The following CDC20B variants were observed in gnomAD, a reference collection of about 807,000 sequenced individuals.
The protein encoded by CDC20B is cell division cycle 20B, also known as cell division cycle protein 20 homolog B.
Under a neutral mutation model 64.1 loss-of-function variants are expected in CDC20B, and 58 were observed. The ratio of observed to expected loss-of-function variants is 0.90; its 90% confidence interval spans 0.73 to 1.13. CDC20B has a LOEUF of 1.13. Among genes scored for constraint, CDC20B ranks in the 50% most tolerant of loss-of-function variants. The pLI is 0.00. For missense variants in CDC20B, 597 were observed against 633.0 expected (o/e 0.94, Z 0.61); for synonymous variants, 243 against 230.6 (o/e 1.05, Z -0.49).
chr5:55,152,857 A>C (rs1743706332), intron 2 of CDC20B, among the ~76,000 whole-genome samples: 1 of 152,182 alleles, frequency 6.6e-6, no homozygotes, highest in Admixed American at 6.5e-5. Flanking sequence ...CTTCCCCTAG[A>C]GGCAGTTAGT....
chr5:55,115,158 C>G (rs1348504376), intron 11 of CDC20B, among the ~76,000 whole-genome samples: 1 of 152,182 alleles, frequency 6.6e-6, no homozygotes, highest in Admixed American at 6.5e-5. Flanking sequence ...TCCCACAGAG[C>G]ATGCATGAGC....
rs70989702 is a variant in CDC20B at position 55,172,749 on chromosome 5, C to CTTT, written c.64-102_64-100dup. ...TAGATCTTGTGCTTGTCAGATTACA[C>CTTT]TTTTTTTTTTTTTTTTTTTTTTTTT... is the stretch of plus-strand genomic sequence containing the variant. On this transcript the variant is annotated intron_variant, in intron 1 of 11. Transcript: ENST00000381375. 875 of 536,806 alleles carry CTTT rather than the reference C, an allele frequency of 1.6e-3. 6 individuals are homozygous for CTTT. The highest frequency in any genetic ancestry group is 4.8e-3 in the South Asian group (199 of 41,780). The allele number at this position is 536,806 out of a possible 1,614,324, so 33.3% of individuals were successfully genotyped here.
intron 2 of CDC20B, chr5:55,164,209 G>T (rs760359578): frequency 1.4e-5 from 21 of 1,536,948 alleles, no homozygotes; most frequent in Non-Finnish European, 1.8e-5. Context: ...AAAAGAAAGA[G>T]GATCTATGAG....
intron 6 of CDC20B, among the ~76,000 whole-genome samples, chr5:55,130,720 A>T (rs1320764268): frequency 6.6e-6 from 1 of 152,236 alleles, no homozygotes; most frequent in East Asian, 1.9e-4. Flanking sequence ...TGAAATTGGT[A>T]AATATTTGGG....
chr5:55,122,949 A>G (rs1486095761), intron 9 of CDC20B, among the ~76,000 whole-genome samples: 1 of 152,226 alleles, frequency 6.6e-6, no homozygotes, highest in Non-Finnish European at 1.5e-5. Flanking sequence ...AAACCATAAA[A>G]GATAATGAAA....
chr5:55,157,943 C>A (rs578115442), intron 2 of CDC20B, among the ~76,000 whole-genome samples: 3 of 152,128 alleles, frequency 2.0e-5, no homozygotes, highest in Non-Finnish European at 2.9e-5. Context: ...TTTTAAAATG[C>A]ATGTTCCTAA....
chr5:55,127,374 T>C, intron 7 of CDC20B, 23 bp from the exon 8 acceptor site: 1 of 1,591,862 alleles, frequency 6.3e-7, no homozygotes, highest in Non-Finnish European at 8.6e-7. Flanking sequence ...ACAAGGAGAG[T>C]TATGTAGCAT....
intron 5 of CDC20B, among the ~76,000 whole-genome samples, chr5:55,134,260 G>C (rs1012646790): frequency 6.6e-6 from 1 of 152,096 alleles, no homozygotes; most frequent in African/African-American, 2.4e-5. Flanking sequence ...GACTTGTGGT[G>C]TCTATGACCA....
intron 8 of CDC20B, 35 bp from the exon 9 acceptor site, chr5:55,125,063 T>A: frequency 1.9e-6 from 3 of 1,544,732 alleles, no homozygotes; most frequent in Non-Finnish European, 2.7e-6. Context: ...TTAAGCCCTG[T>A]TGCTACATAA....
intron 2 of CDC20B, chr5:55,161,214 T>G (rs1391202668): frequency 6.2e-7 from 1 of 1,614,174 alleles, no homozygotes; most frequent in African/African-American, 1.3e-5. Flanking sequence ...AAGATTAAGA[T>G]TCTAGGATCT....
At chr5:55,126,780 C>G (rs914127885) in intron 8 of CDC20B, among the ~76,000 whole-genome samples, 1 of 152,148 alleles carries the variant, frequency 6.6e-6, no homozygotes, top group Non-Finnish European at 1.5e-5. Context: ...TTGAGGAGCT[C>G]TCCAGGTGAT....
chr5:55,162,090 C>CAA (rs34286995), intron 2 of CDC20B, among the ~76,000 whole-genome samples: 15 of 90,674 alleles, frequency 1.7e-4, no homozygotes, highest in East Asian at 3.1e-4. Flanking sequence ...CCATATTAGT[C>CAA]AAAAAAAAAA....
At chr5:55,147,511 AT>A (rs1234071877) in intron 2 of CDC20B, among the ~76,000 whole-genome samples, 1 of 147,946 alleles carries the variant, frequency 6.8e-6, no homozygotes, top group Admixed American at 6.8e-5. Flanking sequence ...ATATATAAAA[AT>A]GTTACGTATT....
chr5:55,150,938 G>A (rs1300554086), intron 2 of CDC20B, among the ~76,000 whole-genome samples: 1 of 152,076 alleles, frequency 6.6e-6, no homozygotes, highest in Non-Finnish European at 1.5e-5. Flanking sequence ...GAGAGACGGG[G>A]TTTCACCATG....
chr5:55,114,277 G>C lies in CDC20B; in HGVS notation c.1501C>G (p.Gln501Glu), dbSNP rs767127067. ...RVLHLSLSPD[Q>E]TRVFSAAADG... ...GCTGCAGCAGAAAACACCCGGGTCT[G>C]GTCTGGACTCAAAGACAGGTGCAGC... The change falls in exon 12 of 12, where the codon CAG becomes GAG. Residue 501 changes from glutamine (Q) to glutamate (E), a missense_variant. By Grantham distance (29) the Gln-to-Glu change is conservative. Around this residue, in one of 3 missense-constraint regions of CDC20B, gnomAD observed 353 missense variants for 397.0 expected, o/e 0.89. Transcript: ENST00000381375. The surrounding 1 kb of genome is among the most constrained non-coding windows in gnomAD (Gnocchi z 4.1). 1.2e-6 allele frequency: 2 copies of C among 1,614,008 alleles called. No individual in the cohort carries two copies. The highest frequency in any genetic ancestry group is 1.3e-5 in the African/African-American group (1 of 75,032).
At position 55,146,868 on chromosome 5, in the gene CDC20B, C is replaced by T; in HGVS notation, c.127-12G>A. On this transcript the variant is annotated splice_polypyrimidine_tract_variant and intron_variant, in intron 2 of 11. Transcript: ENST00000381375. ...ACTGAATCGAGTACCTGTTTAACAA[C>T]AAAAACAGCTGTAAGTCCACTGGCC... 1 of 1,605,612 alleles carries T rather than the reference C, an allele frequency of 6.2e-7. No individual in the cohort carries two copies. Among genetic ancestry groups the T allele is most frequent in the Non-Finnish European group, 8.5e-7 (1 of 1,172,626 alleles).
intron 2 of CDC20B, chr5:55,160,550 C>G: frequency 1.7e-6 from 1 of 590,304 alleles, no homozygotes. Context: ...TATTACAGTT[C>G]TGATAGTTTG....
Position 55,160,277 on chromosome 5 carries a change from A to C in CDC20B, c.126+12311T>G. On this transcript the variant is annotated intron_variant, in intron 2 of 11. Coordinates refer to ENST00000381375, the MANE Select transcript of CDC20B (RefSeq NM_001170402.1). ...AGTTTTGCTGTCTATAGTTCTATGC[A>C]CAGTAACGCTATTTCTTCTACAACT... The C allele has an allele frequency of 6.2e-7, 1 of 1,613,874 alleles. No individual in the cohort carries two copies. Among genetic ancestry groups the C allele is most frequent in the Non-Finnish European group, 8.5e-7 (1 of 1,179,734 alleles).
chr5:55,144,251 C>T (rs934086532), intron 3 of CDC20B, among the ~76,000 whole-genome samples: 1 of 152,230 alleles, frequency 6.6e-6, no homozygotes, highest in African/African-American at 2.4e-5. Context: ...GAAATACTTT[C>T]TAAGTTAAAG....
Sources: gnomAD v4.1 joint callset for allele counts (sites outside exome capture counted in the v4.1 genomes callset) on GRCh38, gnomAD v4.1.1 for gene constraint, gnomAD v4.1.1 regional missense constraint, Gnocchi (gnomAD v3.1) non-coding constraint, MANE v1.5 for transcripts, NCBI Gene and HGNC (gene_info 2026-07-23, HGNC 2026-07-21) for gene names.